CDH19: variants seen among roughly 807,000 people sequenced by gnomAD.
The protein encoded by CDH19 is cadherin 19.
Under a neutral mutation model 64.2 loss-of-function variants are expected in CDH19, and 67 were observed. The observed-to-expected ratio is 1.04, with a 90% CI of 0.86 to 1.28. The LOEUF (loss-of-function observed/expected upper bound fraction) is 1.28. Ranked by LOEUF, CDH19 falls within the 50% of genes most tolerant of loss-of-function variation. The pLI is 0.00. For missense variants in CDH19, 1,030 were observed against 929.0 expected, an observed-to-expected ratio of 1.11 and a Z score of -1.41; for synonymous variants, 346 against 319.3, an observed-to-expected ratio of 1.08 and a Z score of -0.89.
rs548731053 is a variant in CDH19, at chr18:66,591,536, T to A, written c.-113+12418A>T. The stretch of plus-strand genomic sequence containing the variant: ...TTTCTATTATGTAAAATTTTCAGAG[T>A]TGGCAGTAGACAACAGTACAAATCT... On this transcript the variant is annotated intron_variant, in intron 1 of 11. Transcript: ENST00000262150. Among the ~76,000 whole-genome samples the A allele has an allele frequency of 4.4e-4, 67 of 151,982 alleles. 1 individual carries two copies. Among genetic ancestry groups the A allele is most frequent in the African/African-American group, 1.4e-3 (60 of 41,544 alleles).
chr18:66,503,331 A>G lies in CDH19; in HGVS notation c.*1481T>C, dbSNP rs181274553. On this transcript the variant is annotated 3_prime_UTR_variant, in exon 12 of 12. Coordinates refer to ENST00000262150, the MANE Select transcript of CDH19 (RefSeq NM_021153.4). Reference sequence around the variant, plus strand: ...TACAATAAATGTATCTATTGCACCTAATTTTATATTCAATAATAAAAAAAT... The same window carrying G: ...TACAATAAATGTATCTATTGCACCTGATTTTATATTCAATAATAAAAAAAT... 2.0e-5 allele frequency: 3 copies of G among 151,966 alleles called. No individual in the cohort carries two copies. The highest frequency in any genetic ancestry group is 1.3e-4 in the Admixed American group (2 of 15,238). The allele number at this position is 151,966 out of a possible 1,614,324, so 9.4% of individuals were successfully genotyped here. A position where few individuals can be genotyped will look rare whatever the true frequency, so the allele number is the denominator to read the frequency against.
At position 66,552,922 on chromosome 18, in the gene CDH19, A is replaced by G. The variant is rs1987395821; in HGVS notation, c.610+1483T>C. 1.5e-5 allele frequency among the ~76,000 whole-genome samples: 2 copies of G among 133,110 alleles called. 1 individual carries two copies. The highest frequency in any genetic ancestry group is 1.5e-4 in the Admixed American group (2 of 13,730). The allele number at this position is 133,110 out of a possible 152,430, so 87.3% of individuals were successfully genotyped here. A position where few individuals can be genotyped will look rare whatever the true frequency, so the allele number is the denominator to read the frequency against. On this transcript the variant is annotated intron_variant, in intron 4 of 11. Transcript: ENST00000262150. ...TCCACACTGGTGTTCAGTTATTCTA[A>G]GAGTTTCAACTCTTTCCCACCTCAG...
intron 3 of CDH19, among the ~76,000 whole-genome samples, chr18:66,555,188 T>C (rs1987473462): frequency 6.6e-6 from 1 of 151,884 alleles, no homozygotes; most frequent in Non-Finnish European, 1.5e-5. Context: ...AGTGCTCAGA[T>C]TTTTAAAATA....
In CDH19 at chr18:66,509,584, C is replaced by T. The variant is rs1292131367; in HGVS notation, c.1577-338G>A. Among the ~76,000 whole-genome samples the T allele has an allele frequency of 2.0e-5, 3 of 151,488 alleles. No individual in the cohort carries two copies. The East Asian group carries it at 5.8e-4, about 29-fold the overall frequency. On this transcript the variant is annotated intron_variant, in intron 10 of 11. Transcript: ENST00000262150. ...TAAATTGGTTCCAAAATGTCTTTGA[C>T]ACATATATAAAACATACGTGTAACA...
At chr18:66,550,020 C>A (rs760619935) in intron 5 of CDH19, among the ~76,000 whole-genome samples, 1 of 152,044 alleles carries the variant, frequency 6.6e-6, no homozygotes, top group Non-Finnish European at 1.5e-5. Context: ...AAAAAGTAAT[C>A]AAAAGATAGT....
intron 11 of CDH19, among the ~76,000 whole-genome samples, chr18:66,508,338 A>G (rs1057243190): frequency 2.0e-5 from 3 of 151,962 alleles, no homozygotes; most frequent in Admixed American, 1.3e-4. Flanking sequence ...CATGGTAACT[A>G]TAGTTAATAA....
chr18:66,536,041 A>G (rs2144446926), intron 7 of CDH19, among the ~76,000 whole-genome samples: 1 of 150,230 alleles, frequency 6.7e-6, no homozygotes, highest in South Asian at 2.1e-4. Context: ...GAAAAAAAAA[A>G]CTGAAAAATG....
At position 66,552,797 on chromosome 18, in the gene CDH19, G is replaced by C. The variant is rs1332708468; in HGVS notation, c.611-1539C>G. On this transcript the variant is annotated intron_variant, in intron 4 of 11. Transcript: ENST00000262150. ...AGTTAAAAAGTCAGTGTGCAGGGTA[G>C]GGGCTGGGGGTGGAAAGAAAACATG... is the stretch of plus-strand genomic sequence containing the variant. 1.5e-5 allele frequency among the ~76,000 whole-genome samples: 2 copies of C among 134,390 alleles called. 1 individual carries two copies. The highest frequency in any genetic ancestry group is 6.9e-5 in the African/African-American group (2 of 29,060). 88.2% of individuals were successfully genotyped at this position (134,390 alleles called of 152,430 possible).
At position 66,533,191 on chromosome 18, in the gene CDH19, A is replaced by T. The variant is rs982436900; in HGVS notation, c.1336+1795T>A. Among the ~76,000 whole-genome samples, 29 of 147,146 alleles carry T rather than the reference A, an allele frequency of 2.0e-4. 1 individual carries two copies. Among genetic ancestry groups the T allele is most frequent in the African/African-American group, 6.9e-4 (27 of 39,372 alleles). On this transcript the variant is annotated intron_variant, in intron 8 of 11. Transcript: ENST00000262150. Reference sequence around the variant, plus strand: ...AAATTGTAATTTTCAATTAACTAAAAATTAAAATTTCTAGGATTTATTACA... The same window carrying T: ...AAATTGTAATTTTCAATTAACTAAATATTAAAATTTCTAGGATTTATTACA...
At position 66,562,883 on chromosome 18, in the gene CDH19, A is replaced by G. The variant is rs143104852; in HGVS notation, c.490+5533T>C. On this transcript the variant is annotated intron_variant, in intron 3 of 11. Transcript: ENST00000262150. ...AATAATTTATCCAAACATCAGATGT[A>G]TTCTGCCATCACTGAGTAAAACCTG... is the stretch of plus-strand genomic sequence containing the variant. Among the ~76,000 whole-genome samples the G allele has an allele frequency of 3.9e-5, 6 of 152,250 alleles. No homozygotes were observed. In the East Asian group the frequency reaches 1.2e-3, roughly 30 times the overall value.
Position 66,592,518 on chromosome 18 carries a change from A to C in CDH19, c.-113+11436T>G, listed in dbSNP as rs575722828. On this transcript the variant is annotated intron_variant, in intron 1 of 11. Transcript: ENST00000262150. ...AGCCATAACTTTATATCTATTAAAC[A>C]ATCTTTCCCCATTTCCTCTTCTTCC... Among the ~76,000 whole-genome samples, 104 of 151,848 alleles carry C rather than the reference A, an allele frequency of 6.8e-4. No homozygotes were observed. The South Asian group carries it at 8.5e-3, about 12-fold the overall frequency.
At chr18:66,550,259 G>A (rs994667356) in intron 5 of CDH19, among the ~76,000 whole-genome samples, 23 of 152,146 alleles carry the variant, frequency 1.5e-4, no homozygotes, top group East Asian at 7.7e-4. Context: ...AAAATTTTAC[G>A]AAGCATACCA....
intron 7 of CDH19, among the ~76,000 whole-genome samples, chr18:66,538,733 T>C (rs1329753176): frequency 4.6e-5 from 7 of 152,108 alleles, no homozygotes; most frequent in Non-Finnish European, 7.4e-5. Context: ...CATGCTTCCT[T>C]TGAAGCCTGT....
In CDH19 at chr18:66,546,460, T is replaced by G. The variant is rs183709145; in HGVS notation, c.776-1557A>C. On this transcript the variant is annotated intron_variant, in intron 5 of 11. Transcript: ENST00000262150. ...TGTTATTGAGTTGATATTAAACTAT[T>G]GGTCTTCAAAATGAAAAAGAACTGA... 3.5e-4 allele frequency among the ~76,000 whole-genome samples: 53 copies of G among 152,314 alleles called. 1 individual carries two copies. Among genetic ancestry groups the G allele is most frequent in the African/African-American group, 1.2e-3 (50 of 41,570 alleles).
intron 9 of CDH19, among the ~76,000 whole-genome samples, chr18:66,524,470 A>T (rs546430169): frequency 4.7e-5 from 7 of 150,396 alleles, no homozygotes; most frequent in Admixed American, 1.3e-4. Flanking sequence ...CACAAAAAAC[A>T]AGTATGTAGG....
Position 66,508,974 on chromosome 18 carries a change from G to A in CDH19, c.1828+21C>T, listed in dbSNP as rs151229169. On this transcript the variant is annotated intron_variant, in intron 11 of 11. Coordinates refer to ENST00000262150, the MANE Select transcript of CDH19 (RefSeq NM_021153.4). ...TATGATCATAATGCAAATGAGAATAGCAATGATGACTTCTACCTACCAAAT... is the reference window on the plus strand; with the variant it reads ...TATGATCATAATGCAAATGAGAATAACAATGATGACTTCTACCTACCAAAT... The A allele has an allele frequency of 2.6e-3, 4,121 of 1,597,648 alleles. 109 individuals carry two copies. In the South Asian group the frequency reaches 0.032, roughly 12 times the overall value.
intron 11 of CDH19, among the ~76,000 whole-genome samples, chr18:66,506,058 A>C (rs1181637815): frequency 3.3e-5 from 5 of 152,162 alleles, no homozygotes; most frequent in Middle Eastern, 3.4e-3. Context: ...TAAGTAAAAT[A>C]AGCTAGGCAC....
chr18:66,505,371 C>T, intron 11 of CDH19, 69 bp from the exon 12 acceptor site: 1 of 1,219,424 alleles, frequency 8.2e-7, no homozygotes, highest in Non-Finnish European at 1.1e-6. Flanking sequence ...AGTCTTTGCT[C>T]TCATTTCAAG....
rs2144440927 is a variant in CDH19 at position 66,535,039 on chromosome 18, A to G, written c.1283T>C (p.Leu428Pro). 15 of 1,526,708 alleles carry G rather than the reference A, an allele frequency of 9.8e-6. No individual in the cohort carries two copies. The highest frequency in any genetic ancestry group is 2.3e-5 in the East Asian group (1 of 42,828). The allele number at this position is 1,526,708 out of a possible 1,614,324, so 94.6% of individuals were successfully genotyped here. A position where few individuals can be genotyped will look rare whatever the true frequency, so the allele number is the denominator to read the frequency against. The change falls in exon 8 of 12, where the codon CTG becomes CCG. Residue 428 changes from leucine to proline, a missense_variant. Leu to Pro is a moderately conservative substitution (Grantham distance 98, BLOSUM62 -3). Transcript: ENST00000262150. ...DNGTITTSNSLDREISAWYNL... is the reference protein window; with the variant it reads ...DNGTITTSNSPDREISAWYNL... ...GTACCAAGCACTGATTTCACGATCC[A>G]GTGAGTTACTTGTAGTGATTGTACC... is the stretch of plus-strand genomic sequence containing the variant.
Sources: allele counts gnomAD v4.1 joint callset (sites outside exome capture counted in the v4.1 genomes callset), GRCh38; gene constraint gnomAD v4.1.1; transcripts MANE v1.5; gene names NCBI Gene and HGNC (gene_info 2026-07-23, HGNC 2026-07-21).